PRKN: variants seen among roughly 807,000 people sequenced by gnomAD.
The protein encoded by PRKN is parkin RBR E3 ubiquitin protein ligase.
PRKN carries 56 observed loss-of-function variants against 59.5 expected under a neutral mutation model. The observed-to-expected ratio is 0.94, with a 90% CI of 0.76 to 1.18. The LOEUF (loss-of-function observed/expected upper bound fraction) is 1.18. Ranked by LOEUF, PRKN falls within the 50% of genes most tolerant of loss-of-function variation. The pLI, the probability that PRKN is intolerant of heterozygous loss-of-function variation, is 0.00. For missense variants in PRKN, 657 were observed against 596.4 expected (o/e 1.10, Z -1.06); for synonymous variants, 250 against 222.1 (o/e 1.13, Z -1.12).
intron 3 of PRKN, among the ~76,000 whole-genome samples, chr6:162,208,537 C>T (rs1334269384): frequency 6.6e-6 from 1 of 152,112 alleles, no homozygotes; most frequent in East Asian, 1.9e-4. Context: ...TTTATTTTTT[C>T]ATTTTTCATT....
At chr6:161,906,709 C>CTACTA (rs1778164079) in intron 6 of PRKN, among the ~76,000 whole-genome samples, 1 of 129,584 alleles carries the variant, frequency 7.7e-6, no homozygotes, top group Non-Finnish European at 1.7e-5. Context: ...TATTGACTCA[C>CTACTA]AAGATCACAA....
At chr6:162,336,598 G>A (rs762830522) in intron 2 of PRKN, among the ~76,000 whole-genome samples, 5 of 152,188 alleles carry the variant, frequency 3.3e-5, no homozygotes, top group African/African-American at 4.8e-5. Flanking sequence ...ACACGATTTC[G>A]ATTGATGATT....
chr6:162,057,045 A>G (rs984849141), intron 4 of PRKN, among the ~76,000 whole-genome samples: 1 of 151,982 alleles, frequency 6.6e-6, no homozygotes, highest in African/African-American at 2.4e-5. Context: ...TCTCCTGGTG[A>G]ATCACTGAAT....
intron 1 of PRKN, among the ~76,000 whole-genome samples, chr6:162,511,073 T>A (rs576284081): frequency 1.3e-5 from 2 of 152,326 alleles, no homozygotes; most frequent in South Asian, 4.1e-4. Flanking sequence ...AATAGCATAC[T>A]GTTTTCCACT....
At chr6:162,415,355 A>AC (rs1788576149) in intron 2 of PRKN, among the ~76,000 whole-genome samples, 1 of 152,212 alleles carries the variant, frequency 6.6e-6, no homozygotes, top group African/African-American at 2.4e-5. Context: ...ATCAAGTATC[A>AC]CAGGGCAGAT....
chr6:161,652,581 T>C (rs1476572698), intron 7 of PRKN, among the ~76,000 whole-genome samples: 1 of 152,236 alleles, frequency 6.6e-6, no homozygotes, highest in Non-Finnish European at 1.5e-5. Flanking sequence ...AAGGGATTAC[T>C]GACATTTATA....
At chr6:162,461,820 C>T (rs961521084) in intron 1 of PRKN, among the ~76,000 whole-genome samples, 8 of 141,864 alleles carry the variant, frequency 5.6e-5, no homozygotes, top group Admixed American at 7.2e-5. Context: ...GCTGAGACTT[C>T]GTCTAAAAAA....
intron 2 of PRKN, among the ~76,000 whole-genome samples, chr6:162,385,587 C>T (rs540910737): frequency 6.6e-5 from 10 of 152,114 alleles, no homozygotes; most frequent in South Asian, 2.1e-4. Context: ...CTTGACTGCG[C>T]GCTATTTCAG....
At chr6:162,123,411 C>T (rs1020007348) in intron 4 of PRKN, among the ~76,000 whole-genome samples, 2 of 152,258 alleles carry the variant, frequency 1.3e-5, no homozygotes, top group Non-Finnish European at 2.9e-5. Context: ...CAAATATAAA[C>T]TTATCAGTTA....
chr6:162,268,068 T>C (rs1259199470), intron 2 of PRKN, among the ~76,000 whole-genome samples: 1 of 152,166 alleles, frequency 6.6e-6, no homozygotes, highest in Non-Finnish European at 1.5e-5. Flanking sequence ...AATAGTTATG[T>C]TAATAATAAA....
rs772592654 is a variant in PRKN, at chr6:161,350,167, C to T, written c.1330G>A (p.Glu444Lys). Residue 444 changes from glutamate to lysine, a missense_variant, in exon 12 of 12, where the codon GAG (glutamate) becomes AAG (lysine). Glu to Lys is a moderately conservative substitution (Grantham distance 56). Coordinates refer to ENST00000366898, the MANE Select transcript of PRKN (RefSeq NM_004562.3). ...TCGCAGCCACAGTTCCAGCACCACT[C>T]GAGCCTGCACTGGGGCTGCGGACAC... The part of the protein sequence containing the change: ...MKCPQPQCRL[E>K]WCWNCGCEWN... 6.2e-7 allele frequency: 1 copy of T among 1,613,424 alleles called. No homozygotes were observed. Among genetic ancestry groups the T allele is most frequent in the Non-Finnish European group, 8.5e-7 (1 of 1,179,924 alleles).
At position 162,710,374 on chromosome 6, in the gene PRKN, A is replaced by AACACACACACACACACACACACACACAC. The variant is rs138911423; in HGVS notation, c.7+17260_7+17287dup. On this transcript the variant is annotated intron_variant, in intron 1 of 11. Coordinates refer to ENST00000366898, the MANE Select transcript of PRKN (RefSeq NM_004562.3). ...CAGAAAGCCCCTGGCACCCCCTACA[A>AACACACACACACACACACACACACACAC]ACACACACACACACACACACACACA... is the stretch of plus-strand genomic sequence containing the variant. 7.5e-4 allele frequency among the ~76,000 whole-genome samples: 94 copies of AACACACACACACACACACACACACACAC among 125,298 alleles called. 3 individuals carry two copies. The highest frequency in any genetic ancestry group is 2.9e-3 in the African/African-American group (86 of 29,238). The allele number at this position is 125,298 out of a possible 152,430, so 82.2% of individuals were successfully genotyped here. A position where few individuals can be genotyped will look rare whatever the true frequency, so the allele number is the denominator to read the frequency against.
At chr6:161,734,785 C>T (rs1220152843) in intron 7 of PRKN, among the ~76,000 whole-genome samples, 1 of 152,068 alleles carries the variant, frequency 6.6e-6, no homozygotes, top group Non-Finnish European at 1.5e-5. Context: ...AAGGTATGTA[C>T]ACTCTGTACT....
At chr6:161,367,104 C>T (rs553566798) in intron 10 of PRKN, among the ~76,000 whole-genome samples, 12 of 150,648 alleles carry the variant, frequency 8.0e-5, no homozygotes, top group Admixed American at 3.3e-4. Context: ...CATTCTCCTG[C>T]CTCAGCCTCC....
At chr6:162,476,568 T>C (rs1326532696) in intron 1 of PRKN, among the ~76,000 whole-genome samples, 2 of 152,026 alleles carry the variant, frequency 1.3e-5, no homozygotes, top group Non-Finnish European at 2.9e-5. Flanking sequence ...CAATAGGTAA[T>C]GATAACTGTG....
rs186790492 is a variant in PRKN, at chr6:162,164,586, A to T, written c.534+36545T>A. ...GCCCTAATCTATATGTTACTGTGGAATTTTCCTATATAACAAAAGAAACTT... is the reference window on the plus strand; with the variant it reads ...GCCCTAATCTATATGTTACTGTGGATTTTTCCTATATAACAAAAGAAACTT... On this transcript the variant is annotated intron_variant, in intron 4 of 11. Transcript: ENST00000366898. Among the ~76,000 whole-genome samples, 13 of 148,892 alleles carry T rather than the reference A, an allele frequency of 8.7e-5. 3 individuals are homozygous for T. The highest frequency in any genetic ancestry group is 8.0e-4 in the Admixed American group (12 of 14,908).
intron 6 of PRKN, among the ~76,000 whole-genome samples, chr6:161,900,423 G>T (rs1287337610): frequency 7.0e-6 from 1 of 141,916 alleles, no homozygotes; most frequent in Non-Finnish European, 1.5e-5. Context: ...GAAAATTAGA[G>T]AAAAATAATA....
intron 9 of PRKN, among the ~76,000 whole-genome samples, chr6:161,476,041 G>T (rs1791054981): frequency 2.0e-5 from 3 of 151,840 alleles, no homozygotes; most frequent in South Asian, 4.2e-4. Context: ...AAAAAAATTA[G>T]CCGGGCGTGG....
chr6:162,216,304 G>A (rs1375136214), intron 3 of PRKN, among the ~76,000 whole-genome samples: 1 of 152,022 alleles, frequency 6.6e-6, no homozygotes, highest in Admixed American at 6.6e-5. Context: ...GCCGAGGCGG[G>A]TGGATCATGA....
Sources: gnomAD v4.1 joint callset for allele counts (sites outside exome capture counted in the v4.1 genomes callset) on GRCh38, gnomAD v4.1.1 for gene constraint, MANE v1.5 for transcripts, NCBI Gene and HGNC (gene_info 2026-07-23, HGNC 2026-07-21) for gene names.